Variants in LRRTM4 observed in about 807,000 individuals in gnomAD.
LRRTM4 encodes the protein leucine rich repeat transmembrane neuronal 4, also known as leucine-rich repeat transmembrane neuronal protein 4.
LRRTM4 carries 25 observed loss-of-function variants against 47.6 expected under a neutral mutation model. The observed-to-expected ratio is 0.53, with a 90% CI of 0.38 to 0.73. The LOEUF (loss-of-function observed/expected upper bound fraction) is 0.73. LRRTM4 is among the 30% of genes least tolerant of loss of function. LRRTM4 has a pLI of 0.00. For missense variants in LRRTM4, 638 were observed against 713.4 expected, an observed-to-expected ratio of 0.89 and a Z score of 1.20; for synonymous variants, 311 against 269.5, an observed-to-expected ratio of 1.15 and a Z score of -1.51.
chr2:77,163,600 G>T (rs1672793478), intron 3 of LRRTM4, among the ~76,000 whole-genome samples: 2 of 152,176 alleles, frequency 1.3e-5, no homozygotes, highest in South Asian at 4.1e-4. Flanking sequence ...CCCATAAAAG[G>T]AAGCCCATCA....
chr2:77,440,574 T>C (rs1342761827), intron 3 of LRRTM4, among the ~76,000 whole-genome samples: 1 of 152,228 alleles, frequency 6.6e-6, no homozygotes, highest in Non-Finnish European at 1.5e-5. Flanking sequence ...AGAATGTTAA[T>C]TTCAAATAAA....
intron 3 of LRRTM4, among the ~76,000 whole-genome samples, chr2:77,309,593 C>G (rs1232623269): frequency 1.3e-5 from 2 of 152,012 alleles, no homozygotes; most frequent in Non-Finnish European, 2.9e-5. Flanking sequence ...GGCAGGAAAG[C>G]TAGCCCCCTG....
intron 3 of LRRTM4, among the ~76,000 whole-genome samples, chr2:77,166,516 GA>G (rs1231570333): frequency 6.6e-6 from 1 of 152,144 alleles, no homozygotes; most frequent in Admixed American, 6.5e-5. Flanking sequence ...TAAGCCACAA[GA>G]ACAAAGCTGG....
chr2:77,043,346 G>C, intron 3 of LRRTM4, among the ~76,000 whole-genome samples: 1 of 151,684 alleles, frequency 6.6e-6, no homozygotes, highest in Admixed American at 6.6e-5. Flanking sequence ...TTGTCCATAG[G>C]AGAATAGAAA....
intron 3 of LRRTM4, among the ~76,000 whole-genome samples, chr2:77,062,360 A>G (rs1679814168): frequency 6.6e-6 from 1 of 152,226 alleles, no homozygotes; most frequent in Non-Finnish European, 1.5e-5. Context: ...TAAAAATGTT[A>G]GAGTCCTACA....
intron 3 of LRRTM4, among the ~76,000 whole-genome samples, chr2:77,474,353 A>AT (rs1015318895): frequency 1.5e-4 from 23 of 150,582 alleles, no homozygotes; most frequent in Non-Finnish European, 2.4e-4. Context: ...TTAGTAGTCC[A>AT]TTTTTTTTTC....
chr2:77,508,302 C>G (rs1051508904), intron 3 of LRRTM4, among the ~76,000 whole-genome samples: 35 of 152,270 alleles, frequency 2.3e-4, no homozygotes, highest in African/African-American at 8.2e-4. Flanking sequence ...GACACGAATT[C>G]TTGGAGATCC....
At chr2:77,119,904 T>A (rs1411828204) in intron 3 of LRRTM4, among the ~76,000 whole-genome samples, 1 of 151,706 alleles carries the variant, frequency 6.6e-6, no homozygotes, top group African/African-American at 2.4e-5. Context: ...ATCTGAAGAG[T>A]GTATATTAAT....
intron 3 of LRRTM4, among the ~76,000 whole-genome samples, chr2:77,280,574 C>T (rs1006374708): frequency 5.9e-5 from 9 of 151,954 alleles, no homozygotes; most frequent in East Asian, 5.8e-4. Flanking sequence ...TATCACATAG[C>T]GGTTAAGGGT....
chr2:76,755,557 T>TA (rs1201858327), intron 3 of LRRTM4, among the ~76,000 whole-genome samples: 2 of 152,172 alleles, frequency 1.3e-5, no homozygotes, highest in African/African-American at 4.8e-5. Flanking sequence ...TTCTAGCATA[T>TA]CGTTCGATGC....
rs1674807270 is a variant in LRRTM4 at position 76,788,674 on chromosome 2, C to G, written c.1552-39758G>C. On this transcript the variant is annotated intron_variant, in intron 3 of 3. Coordinates refer to ENST00000409884, the MANE Select transcript of LRRTM4 (RefSeq NM_001134745.3). ...ATCATAAGAGAGAAAAGTAATAGCA[C>G]AATCTTGTAGGACTGTGTGTCTTTG... 2.0e-5 allele frequency among the ~76,000 whole-genome samples: 3 copies of G among 152,138 alleles called. No homozygotes were observed. The South Asian group carries it at 6.2e-4, about 31-fold the overall frequency.
chr2:77,514,941 G>C (rs1054656731), intron 3 of LRRTM4, among the ~76,000 whole-genome samples: 2 of 151,758 alleles, frequency 1.3e-5, no homozygotes, highest in Non-Finnish European at 2.9e-5. Flanking sequence ...ATAACATTAT[G>C]CCAAGCTTCA....
At chr2:77,351,069 C>T (rs764535975) in intron 3 of LRRTM4, among the ~76,000 whole-genome samples, 9 of 152,126 alleles carry the variant, frequency 5.9e-5, no homozygotes, top group Admixed American at 3.3e-4. Flanking sequence ...TCTCCTTCCT[C>T]CCACCCCGTA....
At chr2:76,883,112 A>G (rs1037763175) in intron 3 of LRRTM4, among the ~76,000 whole-genome samples, 29 of 152,206 alleles carry the variant, frequency 1.9e-4, no homozygotes, top group Non-Finnish European at 2.9e-5. Flanking sequence ...GTGAGTGGCT[A>G]TGTATCCAGG....
rs577095845 is a variant in LRRTM4 at position 76,999,998 on chromosome 2, A to G, written c.1552-251082T>C. Among the ~76,000 whole-genome samples the G allele has an allele frequency of 8.5e-5, 13 of 152,322 alleles. No individual in the cohort carries two copies. In the East Asian group the frequency reaches 2.1e-3, roughly 25 times the overall value. On this transcript the variant is annotated intron_variant, in intron 3 of 3. Coordinates refer to ENST00000409884, the MANE Select transcript of LRRTM4 (RefSeq NM_001134745.3). ...ACAATGATAATAGCTTCTTTCAGCT[A>G]GAAAGCTGTACAATAGACTGTTCTT...
At chr2:77,497,459 G>T (rs1159731853) in intron 3 of LRRTM4, among the ~76,000 whole-genome samples, 2 of 150,718 alleles carry the variant, frequency 1.3e-5, no homozygotes, top group African/African-American at 2.4e-5. Flanking sequence ...TTAAGTTCTG[G>T]TTGTGGTTTT....
chr2:76,980,889 A>G (rs1676586788), intron 3 of LRRTM4, among the ~76,000 whole-genome samples: 1 of 152,084 alleles, frequency 6.6e-6, no homozygotes, highest in African/African-American at 2.4e-5. Flanking sequence ...TTAAAAAGTT[A>G]ATGAAAATTG....
At position 76,786,018 on chromosome 2, in the gene LRRTM4, A is replaced by G. The variant is rs145837334; in HGVS notation, c.1552-37102T>C. Among the ~76,000 whole-genome samples, 498 of 152,294 alleles carry G rather than the reference A, an allele frequency of 3.3e-3. 4 individuals are homozygous for G. The highest frequency in any genetic ancestry group is 0.011 in the African/African-American group (477 of 41,572). On this transcript the variant is annotated intron_variant, in intron 3 of 3. Coordinates refer to ENST00000409884, the MANE Select transcript of LRRTM4 (RefSeq NM_001134745.3). ...AACTCAATGATACCTAGCTGCTCCTATCTTTTTAATAGCTTGTGAATTCAG... is the reference window on the plus strand; with the variant it reads ...AACTCAATGATACCTAGCTGCTCCTGTCTTTTTAATAGCTTGTGAATTCAG...
At chr2:77,316,897 T>C (rs1677634960) in intron 3 of LRRTM4, among the ~76,000 whole-genome samples, 1 of 152,198 alleles carries the variant, frequency 6.6e-6, no homozygotes. Context: ...AATCTTTAAA[T>C]TGTGCCTGCC....
Sources: gnomAD v4.1 joint callset for allele counts (sites outside exome capture counted in the v4.1 genomes callset) on GRCh38, gnomAD v4.1.1 for gene constraint, MANE v1.5 for transcripts, NCBI Gene and HGNC (gene_info 2026-07-23, HGNC 2026-07-21) for gene names.